CTNNA2: variants seen among roughly 807,000 people sequenced by gnomAD.
The protein encoded by CTNNA2 is catenin alpha 2.
Under a neutral mutation model 101.0 loss-of-function variants are expected in CTNNA2, and 42 were observed. That is an observed-to-expected ratio of 0.42 (90% CI 0.32 to 0.54). The LOEUF is 0.54. CTNNA2 is among the 20% of genes least tolerant of loss of function. The pLI, the probability that CTNNA2 is intolerant of heterozygous loss-of-function variation, is 0.14. For missense variants in CTNNA2, 871 were observed against 1,223.1 expected, an observed-to-expected ratio of 0.71 and a Z score of 4.29; for synonymous variants, 450 against 456.4, an observed-to-expected ratio of 0.99 and a Z score of 0.18.
intron 3 of CTNNA2, among the ~76,000 whole-genome samples, chr2:79,342,877 G>A (rs998245754): frequency 6.6e-6 from 1 of 152,148 alleles, no homozygotes; most frequent in Non-Finnish European, 1.5e-5. Flanking sequence ...TGCCAGAGAA[G>A]GTTCCAATAA....
intron 2 of CTNNA2, among the ~76,000 whole-genome samples, chr2:79,222,693 C>G (rs186728039): frequency 6.6e-6 from 1 of 152,166 alleles, no homozygotes; most frequent in African/African-American, 2.4e-5. Flanking sequence ...TTCTCTCTCT[C>G]TCTCTCTCTG....
chr2:79,410,874 G>C (rs972482782), intron 4 of CTNNA2, among the ~76,000 whole-genome samples: 3 of 151,978 alleles, frequency 2.0e-5, no homozygotes, highest in Non-Finnish European at 4.4e-5. Flanking sequence ...CAGAAGGAAT[G>C]GTACCAGTTC....
chr2:79,569,884 C>T (rs1675354763), intron 1 of CTNNA2, among the ~76,000 whole-genome samples: 1 of 152,106 alleles, frequency 6.6e-6, no homozygotes. Context: ...AAAAGCTAAA[C>T]TAACATAGCT....
intron 7 of CTNNA2, among the ~76,000 whole-genome samples, chr2:80,264,655 T>C (rs1672870910): frequency 6.6e-6 from 1 of 152,088 alleles, no homozygotes; most frequent in Non-Finnish European, 1.5e-5. Flanking sequence ...AATGAAAATA[T>C]CAAATATCTC....
intron 4 of CTNNA2, among the ~76,000 whole-genome samples, chr2:79,500,236 T>A (rs1671304500): frequency 6.6e-6 from 1 of 152,194 alleles, no homozygotes; most frequent in Non-Finnish European, 1.5e-5. Flanking sequence ...CTTCTATACC[T>A]TTATCATATT....
intron 7 of CTNNA2, among the ~76,000 whole-genome samples, chr2:80,174,796 C>G (rs1705292215): frequency 2.0e-5 from 3 of 152,116 alleles, no homozygotes. Flanking sequence ...ATCTTATCCC[C>G]TAAATACCTC....
chr2:80,296,137 G>A (rs1327415132), intron 7 of CTNNA2, among the ~76,000 whole-genome samples: 2 of 152,118 alleles, frequency 1.3e-5, no homozygotes, highest in African/African-American at 2.4e-5. Context: ...GGCATGCAAT[G>A]TGTAACAATT....
intron 4 of CTNNA2, among the ~76,000 whole-genome samples, chr2:79,859,588 G>C (rs542332970): frequency 2.6e-5 from 4 of 151,626 alleles, no homozygotes; most frequent in Non-Finnish European, 5.9e-5. Flanking sequence ...GAGCAGCAGG[G>C]GACACCAAGA....
At chr2:80,626,753 T>C (rs1671724326) in intron 18 of CTNNA2, among the ~76,000 whole-genome samples, 1 of 152,118 alleles carries the variant, frequency 6.6e-6, no homozygotes, top group Admixed American at 6.6e-5. Flanking sequence ...CTGGGGTACA[T>C]GTGCAGAACG....
chr2:80,479,895 T>G (rs1686017341), intron 9 of CTNNA2, among the ~76,000 whole-genome samples: 1 of 152,184 alleles, frequency 6.6e-6, no homozygotes, highest in Non-Finnish European at 1.5e-5. Context: ...ATAATTTCAT[T>G]CTTTTGTCAA....
At position 79,970,225 on chromosome 2, in the gene CTNNA2, A is replaced by G. The variant is rs567296822; in HGVS notation, c.1056+60428A>G. ...CAATGGTAGGAGGACAGTAATGGAG[A>G]GCAAGAGGAAAGGCTCCCCCAAAGT... On this transcript the variant is annotated intron_variant, in intron 7 of 18. Transcript: ENST00000402739. Among the ~76,000 whole-genome samples the G allele has an allele frequency of 8.5e-5, 13 of 152,276 alleles. 1 individual carries two copies. The South Asian group carries it at 2.7e-3, about 32-fold the overall frequency.
intron 7 of CTNNA2, among the ~76,000 whole-genome samples, chr2:80,249,117 G>A (rs866551272): frequency 1.3e-5 from 2 of 152,124 alleles, no homozygotes; most frequent in Non-Finnish European, 1.5e-5. Context: ...CATTTCCACA[G>A]CATGCTTTTA....
chr2:79,534,755 G>A (rs994401887), intron 1 of CTNNA2, among the ~76,000 whole-genome samples: 1 of 151,872 alleles, frequency 6.6e-6, no homozygotes, highest in Non-Finnish European at 1.5e-5. Context: ...TCTTGACTTT[G>A]TGATAACTTC....
At chr2:79,664,705 C>CTTTTTTTTTTTTTTTTT (rs67782114) in intron 2 of CTNNA2, among the ~76,000 whole-genome samples, 6 of 94,986 alleles carry the variant, frequency 6.3e-5, no homozygotes, top group African/African-American at 2.2e-4. Flanking sequence ...TCACATTCTT[C>CTTTTTTTTTTTTTTTTT]TTTTTTTTTT....
chr2:80,202,705 C>A (rs1262296358), intron 7 of CTNNA2, among the ~76,000 whole-genome samples: 1 of 150,324 alleles, frequency 6.7e-6, no homozygotes, highest in African/African-American at 2.5e-5. Context: ...AACTATGGAG[C>A]AAAGAACTTT....
At chr2:79,329,802 TC>T (rs2104417295) in intron 3 of CTNNA2, among the ~76,000 whole-genome samples, 1 of 152,308 alleles carries the variant, frequency 6.6e-6, no homozygotes, top group Admixed American at 6.5e-5. Flanking sequence ...CATGCTGCCT[TC>T]CAAATTCCCT....
At chr2:79,366,089 G>T (rs1029980711) in intron 3 of CTNNA2, among the ~76,000 whole-genome samples, 1 of 152,174 alleles carries the variant, frequency 6.6e-6, no homozygotes, top group Admixed American at 6.5e-5. Flanking sequence ...AAGCCTCGTT[G>T]TTCTCTGCTA....
intron 2 of CTNNA2, among the ~76,000 whole-genome samples, chr2:79,241,178 GTA>G (rs1674621277): frequency 6.6e-6 from 1 of 152,080 alleles, no homozygotes; most frequent in Non-Finnish European, 1.5e-5. Context: ...CCATTATTGG[GTA>G]CTAACTAAAT....
chr2:79,231,512 A>G (rs902106196), intron 2 of CTNNA2, among the ~76,000 whole-genome samples: 5 of 152,196 alleles, frequency 3.3e-5, no homozygotes, highest in African/African-American at 1.2e-4. Context: ...GTTTATCAGC[A>G]GTGTGAAAAC....
Sources: allele counts gnomAD v4.1 joint callset (sites outside exome capture counted in the v4.1 genomes callset), GRCh38; gene constraint gnomAD v4.1.1; transcripts MANE v1.5; gene names NCBI Gene and HGNC (gene_info 2026-07-23, HGNC 2026-07-21).